FGF12: variants seen among roughly 807,000 people sequenced by gnomAD.
The protein encoded by FGF12 is fibroblast growth factor 12B.
In FGF12, 14 loss-of-function variants were observed where a neutral mutation model predicts 23.6. The ratio of observed to expected loss-of-function variants is 0.59; its 90% confidence interval spans 0.39 to 0.93. The LOEUF is 0.93. FGF12 is among the 40% of genes least tolerant of loss of function. FGF12 has a pLI of 0.00. For synonymous variants in FGF12, 62 were observed against 77.3 expected, an observed-to-expected ratio of 0.80 and a Z score of 1.04; for missense variants, 175 against 217.8, an observed-to-expected ratio of 0.80 and a Z score of 1.24.
At chr3:192,154,289 C>T (rs1024149538) in intron 5 of FGF12, among the ~76,000 whole-genome samples, 2 of 117,354 alleles carry the variant, frequency 1.7e-5, no homozygotes, top group East Asian at 2.3e-4. Flanking sequence ...GTAATTTGAT[C>T]GTCTGAAGCC....
At chr3:192,350,745 GA>G (rs894111364) in intron 3 of FGF12, among the ~76,000 whole-genome samples, 2 of 152,164 alleles carry the variant, frequency 1.3e-5, no homozygotes, top group African/African-American at 4.8e-5. Context: ...GACAACGGGT[GA>G]GATTATATAA....
At chr3:192,410,178 C>T (rs1409873604) in intron 2 of FGF12, among the ~76,000 whole-genome samples, 4 of 152,144 alleles carry the variant, frequency 2.6e-5, no homozygotes, top group African/African-American at 4.8e-5. Context: ...GGGGGCCGGG[C>T]CCCTGGAGCG....
At chr3:192,654,477 T>C (rs1716325925) in intron 2 of FGF12, among the ~76,000 whole-genome samples, 1 of 152,200 alleles carries the variant, frequency 6.6e-6, no homozygotes, top group Non-Finnish European at 1.5e-5. Context: ...TTACATATGA[T>C]TTTCTACAAG....
At chr3:192,704,119 C>T (rs987052106) in intron 2 of FGF12, among the ~76,000 whole-genome samples, 17 of 152,194 alleles carry the variant, frequency 1.1e-4, no homozygotes, top group African/African-American at 4.1e-4. Flanking sequence ...CAAATGATGA[C>T]TCCTTTCCAG....
intron 4 of FGF12, among the ~76,000 whole-genome samples, chr3:192,206,273 C>A (rs1226250201): frequency 6.6e-6 from 1 of 152,196 alleles, no homozygotes; most frequent in Non-Finnish European, 1.5e-5. Flanking sequence ...TTCTCTTTCA[C>A]TCTACCCAAC....
At chr3:192,232,943 C>T (rs1259953045) in intron 4 of FGF12, among the ~76,000 whole-genome samples, 3 of 152,126 alleles carry the variant, frequency 2.0e-5, no homozygotes, top group Non-Finnish European at 4.4e-5. Flanking sequence ...TTTCTTTATC[C>T]GGTCCACTGT....
intron 2 of FGF12, among the ~76,000 whole-genome samples, chr3:192,579,733 C>T (rs1484916892): frequency 6.6e-6 from 1 of 152,080 alleles, no homozygotes; most frequent in Non-Finnish European, 1.5e-5. Flanking sequence ...CCACACCCAG[C>T]TAGTTTTTGT....
At chr3:192,299,094 G>A (rs1186622090) in intron 4 of FGF12, among the ~76,000 whole-genome samples, 1 of 152,214 alleles carries the variant, frequency 6.6e-6, no homozygotes, top group South Asian at 2.1e-4. Context: ...GATTTGAAGG[G>A]GACAAATATC....
rs147071696 is a variant in FGF12, at chr3:192,235,231, C to T, written c.229-64575G>A. Among the ~76,000 whole-genome samples, 1,007 of 152,166 alleles carry T rather than the reference C, an allele frequency of 6.6e-3. 4 individuals carry two copies. Among genetic ancestry groups the T allele is most frequent in the African/African-American group, 0.023 (964 of 41,514 alleles). ...ATTCAATTTCAGAACTCGTTATTGG[C>T]CTGTTCAGGATTTCAATTTATTCCT... On this transcript the variant is annotated intron_variant, in intron 4 of 5. Transcript: ENST00000445105.
At chr3:192,241,730 C>T (rs1468165393) in intron 4 of FGF12, among the ~76,000 whole-genome samples, 1 of 152,138 alleles carries the variant, frequency 6.6e-6, no homozygotes, top group African/African-American at 2.4e-5. Flanking sequence ...ATTGATAGTT[C>T]CATGAGGGAA....
At chr3:192,688,606 G>A (rs946744374) in intron 2 of FGF12, among the ~76,000 whole-genome samples, 2 of 152,150 alleles carry the variant, frequency 1.3e-5, no homozygotes, top group South Asian at 4.1e-4. Flanking sequence ...AGAAGAATTG[G>A]AGATTCATGA....
chr3:192,243,439 A>C (rs572492074), intron 4 of FGF12, among the ~76,000 whole-genome samples: 1 of 152,064 alleles, frequency 6.6e-6, no homozygotes, highest in African/African-American at 2.4e-5. Flanking sequence ...CCAAATAAGT[A>C]AAGCATATAT....
intron 2 of FGF12, among the ~76,000 whole-genome samples, chr3:192,532,837 G>A (rs564758010): frequency 6.2e-4 from 94 of 152,094 alleles, no homozygotes; most frequent in Non-Finnish European, 1.1e-3. Flanking sequence ...TTTCTTCTAT[G>A]AGACAATTCT....
chr3:192,165,993 C>G (rs1332757483), intron 5 of FGF12, among the ~76,000 whole-genome samples: 8 of 152,126 alleles, frequency 5.3e-5, no homozygotes, highest in Non-Finnish European at 1.2e-4. Flanking sequence ...CGCAACCTGG[C>G]TAGCAAATAG....
chr3:192,581,325 G>A (rs1034613496), intron 2 of FGF12, among the ~76,000 whole-genome samples: 3 of 151,774 alleles, frequency 2.0e-5, no homozygotes, highest in South Asian at 4.2e-4. Context: ...CAGAACTTTG[G>A]GAGGCTGAGG....
At chr3:192,162,283 A>G (rs28538552) in intron 5 of FGF12, among the ~76,000 whole-genome samples, 104,179 of 151,978 alleles carry the variant, frequency 0.69, 36,502 homozygotes, top group Non-Finnish European at 0.74. Flanking sequence ...TCTAAGTGCT[A>G]GTTTGGAAGA....
chr3:192,621,161 T>G (rs1346624679), intron 2 of FGF12, among the ~76,000 whole-genome samples: 2 of 152,170 alleles, frequency 1.3e-5, no homozygotes, highest in Non-Finnish European at 2.9e-5. Flanking sequence ...ATATGTGCGC[T>G]TTTCCCTCAC....
rs576995396 is a variant in FGF12, at chr3:192,458,724, GTT to G, written c.14-98188_14-98187del. Reference sequence around the variant, plus strand: ...GACTTTTGGGTTAATGCTGAAATGAGTTAAGACTTTGAGGGACTGTTGGGAAG... The same window carrying G: ...GACTTTTGGGTTAATGCTGAAATGAGAAGACTTTGAGGGACTGTTGGGAAG... On this transcript the variant is annotated intron_variant, in intron 2 of 5. Coordinates refer to ENST00000445105, the MANE Select transcript of FGF12 (RefSeq NM_004113.6). Among the ~76,000 whole-genome samples, 213 of 152,266 alleles carry G rather than the reference GTT, an allele frequency of 1.4e-3. 1 individual carries two copies. The highest frequency in any genetic ancestry group is 2.3e-3 in the Non-Finnish European group (155 of 68,024).
chr3:192,218,377 GAGGA>G (rs1718305593), intron 4 of FGF12, among the ~76,000 whole-genome samples: 1 of 152,090 alleles, frequency 6.6e-6, no homozygotes, highest in Non-Finnish European at 1.5e-5. Context: ...CCCAATGTTG[GAGGA>G]AGGGTTTGTT....
Sources: allele counts gnomAD v4.1 joint callset (sites outside exome capture counted in the v4.1 genomes callset), GRCh38; gene constraint gnomAD v4.1.1; transcripts MANE v1.5; gene names NCBI Gene and HGNC (gene_info 2026-07-23, HGNC 2026-07-21).